Variants in CTNNA3 observed in about 807,000 individuals in gnomAD.
CTNNA3 encodes catenin alpha 3.
Under a neutral mutation model 95.7 loss-of-function variants are expected in CTNNA3, and 76 were observed. The observed-to-expected ratio is 0.79, with a 90% CI of 0.66 to 0.96. The LOEUF (loss-of-function observed/expected upper bound fraction) is 0.96. CTNNA3 is among the 40% of genes least tolerant of loss of function. CTNNA3 has a pLI of 0.00. For synonymous variants in CTNNA3, 431 were observed against 374.4 expected, an observed-to-expected ratio of 1.15 and a Z score of -1.74; for missense variants, 1,191 against 1,089.8, an observed-to-expected ratio of 1.09 and a Z score of -1.31.
chr10:66,031,145 T>A (rs2126746), intron 15 of CTNNA3, among the ~76,000 whole-genome samples: 67,468 of 151,988 alleles, frequency 0.44, 15,240 homozygotes, highest in South Asian at 0.49. Context: ...GAAACTCGAT[T>A]GGAGATTCCT....
chr10:67,163,855 T>A (rs1047216958), intron 7 of CTNNA3, among the ~76,000 whole-genome samples: 1 of 151,784 alleles, frequency 6.6e-6, no homozygotes, highest in Non-Finnish European at 1.5e-5. Flanking sequence ...CAGGTGAAAA[T>A]TAAAATTAAA....
chr10:65,961,990 A>G (rs770264032), intron 17 of CTNNA3, among the ~76,000 whole-genome samples: 1 of 152,136 alleles, frequency 6.6e-6, no homozygotes, highest in Non-Finnish European at 1.5e-5. Flanking sequence ...AGCTGTCGTA[A>G]CAGTTCTAGA....
intron 7 of CTNNA3, among the ~76,000 whole-genome samples, chr10:67,111,468 G>A (rs950114153): frequency 3.3e-5 from 5 of 151,974 alleles, no homozygotes; most frequent in Admixed American, 1.3e-4. Context: ...CTCTTTGCCC[G>A]TGGCTCAATT....
intron 7 of CTNNA3, among the ~76,000 whole-genome samples, chr10:66,796,810 C>G (rs1413013967): frequency 2.6e-5 from 4 of 152,066 alleles, no homozygotes; most frequent in South Asian, 4.1e-4. Context: ...TCCAAAAGCA[C>G]AAAAGCTTCT....
At chr10:66,803,377 T>C (rs540867598) in intron 7 of CTNNA3, among the ~76,000 whole-genome samples, 9 of 152,102 alleles carry the variant, frequency 5.9e-5, no homozygotes, top group African/African-American at 1.9e-4. Flanking sequence ...ACTTCGAATT[T>C]CTGAGACTCT....
intron 7 of CTNNA3, among the ~76,000 whole-genome samples, chr10:67,073,627 C>T (rs2619653): frequency 0.64 from 97,306 of 151,248 alleles, 32,773 homozygotes; most frequent in African/African-American, 0.86. Flanking sequence ...AGGAAAAAAA[C>T]GAGAGAATCA....
At chr10:66,524,756 G>T (rs1332123753) in intron 10 of CTNNA3, among the ~76,000 whole-genome samples, 1 of 150,450 alleles carries the variant, frequency 6.6e-6, no homozygotes, top group Non-Finnish European at 1.5e-5. Context: ...TGTTTAAAAA[G>T]AAAAAAAAAT....
At chr10:66,332,097 T>C (rs2092337561) in intron 12 of CTNNA3, among the ~76,000 whole-genome samples, 1 of 152,106 alleles carries the variant, frequency 6.6e-6, no homozygotes, top group Non-Finnish European at 1.5e-5. Flanking sequence ...ATTGATTTTG[T>C]ATCCTGAGAC....
rs1204494812 is a variant in CTNNA3, at chr10:66,414,253, C to T, written c.1532-34901G>A. Among the ~76,000 whole-genome samples, 3 of 152,148 alleles carry T rather than the reference C, an allele frequency of 2.0e-5. 1 individual carries two copies. The highest frequency in any genetic ancestry group is 4.1e-4 in the South Asian group (2 of 4,828). On this transcript the variant is annotated intron_variant, in intron 11 of 17. Coordinates refer to ENST00000433211, the MANE Select transcript of CTNNA3 (RefSeq NM_013266.4). ...CTGACTAGGGAGCATTTTGTACTTGCTTTCTCCACTAAAAAGAGCTAAAAT... is the reference window on the plus strand; with the variant it reads ...CTGACTAGGGAGCATTTTGTACTTGTTTTCTCCACTAAAAAGAGCTAAAAT...
intron 7 of CTNNA3, among the ~76,000 whole-genome samples, chr10:66,835,053 A>C (rs1842844025): frequency 6.6e-6 from 1 of 152,226 alleles, no homozygotes; most frequent in African/African-American, 2.4e-5. Flanking sequence ...ATAGCAAAGT[A>C]CTAAGCCTGT....
intron 10 of CTNNA3, among the ~76,000 whole-genome samples, chr10:66,582,992 G>A (rs993212008): frequency 6.6e-6 from 1 of 151,634 alleles, no homozygotes; most frequent in Non-Finnish European, 1.5e-5. Context: ...TGAAATCCAT[G>A]TGAATATAGT....
chr10:67,445,750 C>T (rs1846721789), intron 5 of CTNNA3, among the ~76,000 whole-genome samples: 1 of 152,108 alleles, frequency 6.6e-6, no homozygotes, highest in Admixed American at 6.6e-5. Flanking sequence ...ATAACAGGAT[C>T]ATCAATAGAA....
intron 15 of CTNNA3, among the ~76,000 whole-genome samples, chr10:66,042,892 T>A (rs1382577487): frequency 1.3e-3 from 93 of 70,978 alleles, no homozygotes; most frequent in African/African-American, 6.0e-3. Flanking sequence ...TGAGCGAGAC[T>A]CTGTCTCAAA....
At chr10:67,651,722 T>G (rs1352774835) in intron 1 of CTNNA3, among the ~76,000 whole-genome samples, 1 of 152,184 alleles carries the variant, frequency 6.6e-6, no homozygotes, top group Non-Finnish European at 1.5e-5. Flanking sequence ...AATGTTTTAA[T>G]GAAATAGAAA....
chr10:66,084,177 G>GAAAA (rs2080886471), intron 14 of CTNNA3, among the ~76,000 whole-genome samples: 1 of 103,830 alleles, frequency 9.6e-6, no homozygotes, highest in African/African-American at 2.9e-5. Context: ...AAAAAGAAAA[G>GAAAA]GAAAGAAAAA....
rs192705921 is a variant in CTNNA3 at position 66,058,501 on chromosome 10, G to A, written c.2159+10807C>T. On this transcript the variant is annotated intron_variant, in intron 15 of 17. Coordinates refer to ENST00000433211, the MANE Select transcript of CTNNA3 (RefSeq NM_013266.4). ...ATGAATGCAACATTATTTCTACATG[G>A]CTATTTTTGAGTGTTGCTTTGGTTT... is the stretch of plus-strand genomic sequence containing the variant. Among the ~76,000 whole-genome samples, 518 of 152,104 alleles carry A rather than the reference G, an allele frequency of 3.4e-3. 1 individual carries two copies. The highest frequency in any genetic ancestry group is 5.4e-3 in the Admixed American group (83 of 15,274).
In CTNNA3 at chr10:66,928,133, C is replaced by T. The variant is rs779338377; in HGVS notation, c.1048-152609G>A. 4 of 1,613,894 alleles carry T rather than the reference C, an allele frequency of 2.5e-6. No individual in the cohort carries two copies. In the Admixed American group the frequency reaches 5.0e-5, roughly 20 times the overall value. On this transcript the variant is annotated intron_variant, in intron 7 of 17. Transcript: ENST00000433211. ...ACGGTGGGAGCCACAGAGCCCGGCC[C>T]AGAGACCGATGCTGACGCCGAGCAC...
In CTNNA3 at chr10:66,523,533, G is replaced by C. The variant is rs532692181; in HGVS notation, c.1375-2760C>G. Among the ~76,000 whole-genome samples the C allele has an allele frequency of 1.2e-3, 189 of 152,244 alleles. 1 individual carries two copies. The highest frequency in any genetic ancestry group is 4.3e-3 in the African/African-American group (178 of 41,544). On this transcript the variant is annotated intron_variant, in intron 10 of 17. Coordinates refer to ENST00000433211, the MANE Select transcript of CTNNA3 (RefSeq NM_013266.4). ...TCCTAGAATTTTAGCCATATATCTA[G>C]AGAAAATAAAATAACCATTCTTAAA... is the stretch of plus-strand genomic sequence containing the variant.
At chr10:67,257,924 C>T (rs1431860897) in intron 5 of CTNNA3, among the ~76,000 whole-genome samples, 1 of 152,160 alleles carries the variant, frequency 6.6e-6, no homozygotes, top group Non-Finnish European at 1.5e-5. Context: ...CTCCTTACAT[C>T]ATCACAAAGT....
Sources: allele counts gnomAD v4.1 joint callset (sites outside exome capture counted in the v4.1 genomes callset), GRCh38; gene constraint gnomAD v4.1.1; transcripts MANE v1.5; gene names NCBI Gene and HGNC (gene_info 2026-07-23, HGNC 2026-07-21).